FHIT: variants seen among roughly 807,000 people sequenced by gnomAD.
The protein encoded by FHIT is fragile histidine triad diadenosine triphosphatase, also known as bis(5'-adenosyl)-triphosphatase.
A neutral mutation model predicts 17.9 loss-of-function variants in FHIT; 19 were observed. The ratio of observed to expected loss-of-function variants is 1.06; its 90% CI spans 0.74 to 1.56. The LOEUF is 1.56. Among genes scored for constraint, FHIT ranks in the 40% most tolerant of loss-of-function variants. The pLI, the probability that FHIT is intolerant of heterozygous loss-of-function variation, is 0.00. For missense variants in FHIT, 248 were observed against 189.2 expected (o/e 1.31, Z -1.82); for synonymous variants, 81 against 69.7 (o/e 1.16, Z -0.81).
chr3:60,368,439 T>A (rs1297070464), intron 5 of FHIT, among the ~76,000 whole-genome samples: 1 of 151,846 alleles, frequency 6.6e-6, no homozygotes, highest in Non-Finnish European at 1.5e-5. Flanking sequence ...AAAACATATA[T>A]ATAAATATAT....
At chr3:59,887,811 C>T (rs555337057) in intron 8 of FHIT, among the ~76,000 whole-genome samples, 2 of 152,310 alleles carry the variant, frequency 1.3e-5, no homozygotes, top group South Asian at 4.1e-4. Context: ...CAGCAAGGGA[C>T]AGCGGGAGAC....
chr3:60,330,953 G>T (rs192854517), intron 5 of FHIT, among the ~76,000 whole-genome samples: 1 of 152,152 alleles, frequency 6.6e-6, no homozygotes, highest in Admixed American at 6.5e-5. Flanking sequence ...TTCTTTGAAA[G>T]GCAGCCAGAC....
chr3:60,291,662 C>T (rs1215497441), intron 5 of FHIT, among the ~76,000 whole-genome samples: 1 of 152,148 alleles, frequency 6.6e-6, no homozygotes, highest in Non-Finnish European at 1.5e-5. Context: ...CTGCTGAGAA[C>T]TCTTTTACCC....
rs150276966 is a variant in FHIT at position 60,659,311 on chromosome 3, A to T, written c.-17-122332T>A. On this transcript the variant is annotated intron_variant, in intron 4 of 9. Transcript: ENST00000492590. ...TTGAGCTTCTTGGATTTTTATGTTT[A>T]TGTCTTGCATCAGATTTGGGAAGCT... 7.9e-5 allele frequency among the ~76,000 whole-genome samples: 12 copies of T among 151,942 alleles called. No homozygotes were observed. The East Asian group carries it at 1.7e-3, about 22-fold the overall frequency.
At chr3:61,139,423 G>A (rs887771461) in intron 2 of FHIT, among the ~76,000 whole-genome samples, 3 of 152,208 alleles carry the variant, frequency 2.0e-5, no homozygotes, top group African/African-American at 7.2e-5. Flanking sequence ...AACCCCCAAT[G>A]TGATGGAATT....
At chr3:60,126,853 C>T (rs1705574355) in intron 5 of FHIT, among the ~76,000 whole-genome samples, 1 of 152,192 alleles carries the variant, frequency 6.6e-6, no homozygotes. Context: ...AATGTGCCCT[C>T]TTATCATATC....
At chr3:59,762,058 A>G (rs1235653476) in intron 8 of FHIT, among the ~76,000 whole-genome samples, 2 of 152,138 alleles carry the variant, frequency 1.3e-5, no homozygotes, top group Non-Finnish European at 2.9e-5. Flanking sequence ...TTACTTGGGC[A>G]TAAGCACTGT....
chr3:59,882,918 T>C (rs1169996381), intron 8 of FHIT, among the ~76,000 whole-genome samples: 1 of 152,212 alleles, frequency 6.6e-6, no homozygotes. Flanking sequence ...GCCATGACTA[T>C]GCTGTTCGGA....
intron 1 of FHIT, among the ~76,000 whole-genome samples, chr3:61,209,193 G>A (rs1049299337): frequency 6.6e-6 from 1 of 152,348 alleles, no homozygotes; most frequent in South Asian, 2.1e-4. Context: ...TCCGCTGTTA[G>A]TCTGATGGGC....
At chr3:59,885,065 A>T (rs1425354963) in intron 8 of FHIT, among the ~76,000 whole-genome samples, 1 of 152,250 alleles carries the variant, frequency 6.6e-6, no homozygotes, top group Non-Finnish European at 1.5e-5. Context: ...AGATTTGCTA[A>T]TTTTTAAAAA....
rs1559698600 is a variant in FHIT, at chr3:60,173,911, A to ATTTTTT, written c.104-159760_104-159759insAAAAAA. 8.6e-5 allele frequency among the ~76,000 whole-genome samples: 6 copies of ATTTTTT among 69,642 alleles called. 1 individual carries two copies. Among genetic ancestry groups the ATTTTTT allele is most frequent in the East Asian group, 1.5e-3 (2 of 1,336 alleles). The allele number at this position is 69,642 out of a possible 152,430, so 45.7% of individuals were successfully genotyped here. On this transcript the variant is annotated intron_variant, in intron 5 of 9. Transcript: ENST00000492590. ...TATATATATATATATATATATATAT[A>ATTTTTT]TATATGTTTTTTTTTTTTTTTGAGA... is the stretch of plus-strand genomic sequence containing the variant.
chr3:59,806,273 T>C (rs905772965), intron 8 of FHIT, among the ~76,000 whole-genome samples: 1 of 151,836 alleles, frequency 6.6e-6, no homozygotes, highest in Non-Finnish European at 1.5e-5. Context: ...GAGGGGTAAA[T>C]GGTAGAGTTA....
In FHIT at chr3:60,536,957, C is replaced by T. The variant is rs137953369; in HGVS notation, c.6G>A (p.Ser2=). M[S]FRFGQHLIKP... ...TGATGAGATGTTGGCCAAATCTGAACGACATGTCCTCACAGTTGAAGTCTA... is the reference window on the plus strand; with the variant it reads ...TGATGAGATGTTGGCCAAATCTGAATGACATGTCCTCACAGTTGAAGTCTA... Residue 2 remains serine (S), a synonymous_variant, in exon 5 of 10, where the codon TCG becomes TCA. Coordinates refer to ENST00000492590, the MANE Select transcript of FHIT (RefSeq NM_002012.4). 250 of 1,608,564 alleles carry T rather than the reference C, an allele frequency of 1.6e-4. No individual in the cohort carries two copies. The African/African-American group carries it at 2.6e-3, about 16-fold the overall frequency.
intron 3 of FHIT, among the ~76,000 whole-genome samples, chr3:60,859,068 A>G (rs889716470): frequency 8.5e-5 from 13 of 152,210 alleles, no homozygotes; most frequent in Admixed American, 1.3e-4. Flanking sequence ...CGGCTCTGGA[A>G]GTCTAGAACA....
At chr3:60,791,256 T>G (rs1553728404) in intron 4 of FHIT, among the ~76,000 whole-genome samples, 1 of 152,010 alleles carries the variant, frequency 6.6e-6, no homozygotes, top group Admixed American at 6.6e-5. Flanking sequence ...AAGAAGGGTT[T>G]CTCAGCTAAA....
intron 4 of FHIT, among the ~76,000 whole-genome samples, chr3:60,575,326 T>A (rs1344178692): frequency 1.3e-5 from 2 of 152,136 alleles, no homozygotes; most frequent in African/African-American, 4.8e-5. Flanking sequence ...ATTAGAAATG[T>A]AAGCTGAGCT....
chr3:60,035,225 C>T (rs1016246952), intron 5 of FHIT, among the ~76,000 whole-genome samples: 1 of 152,120 alleles, frequency 6.6e-6, no homozygotes, highest in African/African-American at 2.4e-5. Flanking sequence ...GTCAGACCGC[C>T]ACGTGGGTTT....
At chr3:60,997,100 T>C (rs1028182363) in intron 3 of FHIT, among the ~76,000 whole-genome samples, 1 of 150,712 alleles carries the variant, frequency 6.6e-6, no homozygotes, top group Admixed American at 6.6e-5. Flanking sequence ...GGGAACTCTT[T>C]GGTCTGTTGT....
chr3:60,263,128 A>G (rs760284518), intron 5 of FHIT, among the ~76,000 whole-genome samples: 8 of 152,032 alleles, frequency 5.3e-5, no homozygotes, highest in Non-Finnish European at 1.0e-4. Context: ...GGGAAATGCA[A>G]ATTAAAACCC....
Sources: allele counts gnomAD v4.1 joint callset (sites outside exome capture counted in the v4.1 genomes callset), GRCh38; gene constraint gnomAD v4.1.1; transcripts MANE v1.5; gene names NCBI Gene and HGNC (gene_info 2026-07-23, HGNC 2026-07-21).